BAIAP2L2: variants seen among roughly 807,000 people sequenced by gnomAD.
BAIAP2L2 encodes BAR/IMD domain-containing adapter protein 2-like 2.
BAIAP2L2 carries 65 observed loss-of-function variants against 60.4 expected under a neutral mutation model. The ratio of observed to expected loss-of-function variants is 1.08; its 90% CI spans 0.88 to 1.32. BAIAP2L2 has a LOEUF of 1.32. BAIAP2L2 is among the 40% of genes most tolerant of loss of function. The probability of loss-of-function intolerance (pLI) is 0.00; values close to 1 mark genes in which losing one functional copy is unlikely to be tolerated. For synonymous variants in BAIAP2L2, 344 were observed against 301.7 expected, an observed-to-expected ratio of 1.14 and a Z score of -1.45; for missense variants, 836 against 741.2, an observed-to-expected ratio of 1.13 and a Z score of -1.48.
At chr22:38,087,904 A>G (rs1429915221) in intron 10 of BAIAP2L2, among the ~76,000 whole-genome samples, 4 of 51,720 alleles carry the variant, frequency 7.7e-5, no homozygotes, top group Admixed American at 3.6e-4. Flanking sequence ...CCCCCCCGCC[A>G]TTTAAGGCCA....
At chr22:38,099,299 T>A (rs1260413352) in intron 4 of BAIAP2L2, among the ~76,000 whole-genome samples, 1 of 152,100 alleles carries the variant, frequency 6.6e-6, no homozygotes, top group Non-Finnish European at 1.5e-5. Context: ...TTTGGGAGGC[T>A]GAGGTGGGTG....
chr22:38,088,985 C>A, intron 9 of BAIAP2L2, 21 bp from the exon 10 acceptor site: 2 of 1,484,750 alleles, frequency 1.3e-6, no homozygotes, highest in South Asian at 1.3e-5. Context: ...GAGAGCGCGG[C>A]GGCACGTGGG....
chr22:38,089,573 C>G lies in BAIAP2L2; in HGVS notation c.714G>C (p.Ala238=). The change falls in exon 8 of 14, where the codon GCG becomes GCC. Residue 238 remains alanine, a synonymous_variant. Transcript: ENST00000381669. ...RAHSPGLLGP[A]LGPPYPSGRL... is the part of the protein sequence containing the mutation. ...GGCCCGAGGGGTAGGGCGGCCCCAG[C>G]GCGGGGCCCAGCAGGCCGGGGGAGT... The G allele has an allele frequency of 1.6e-6, 2 of 1,231,022 alleles. No individual in the cohort carries two copies. Among genetic ancestry groups the G allele is most frequent in the East Asian group, 6.4e-5 (2 of 31,478 alleles). 76.3% of individuals were successfully genotyped at this position (1,231,022 alleles called of 1,614,324 possible). A position where few individuals can be genotyped will look rare whatever the true frequency, so the allele number is the denominator to read the frequency against.
intron 1 of BAIAP2L2, 79 bp from the exon 2 acceptor site, chr22:38,109,287 A>C (rs1258964061): frequency 2.5e-6 from 3 of 1,204,424 alleles, no homozygotes; most frequent in Admixed American, 1.9e-5. Flanking sequence ...TCAAGTCACC[A>C]GGCGTCAGGG....
chr22:38,087,010 A>AC (rs2086100501), intron 11 of BAIAP2L2, 114 bp downstream of exon 11: 19 of 1,281,216 alleles, frequency 1.5e-5, no homozygotes, highest in Non-Finnish European at 1.4e-5. Flanking sequence ...AAAAAAAAAC[A>AC]AAACAAAACA....
At chr22:38,089,283 G>GGGCCCC in intron 8 of BAIAP2L2, 52 bp from the exon 9 acceptor site, 2 of 145,678 alleles carry the variant, frequency 1.4e-5, no homozygotes, top group Non-Finnish European at 1.3e-5. Flanking sequence ...GGGGGGCGGG[G>GGGCCCC]CCGCGCCCTA....
Position 38,085,384 on chromosome 22 carries a change from GGAGA to G in BAIAP2L2, c.1515-13_1515-10del. On this transcript the variant is annotated splice_polypyrimidine_tract_variant and intron_variant, in intron 13 of 13. Coordinates refer to ENST00000381669, the MANE Select transcript of BAIAP2L2 (RefSeq NM_025045.6). ...CAAAAGGATTTGTGCCCCTGTAGGA[GGAGA>G]GAGAGAATGGGGTGAGAAGGGCAGA... The G allele has an allele frequency of 6.2e-7, 1 of 1,612,942 alleles. No homozygotes were observed. The highest frequency in any genetic ancestry group is 8.5e-7 in the Non-Finnish European group (1 of 1,179,158).
In BAIAP2L2 at chr22:38,085,744, G is replaced by T. The variant is rs1379630348; in HGVS notation, c.1468-12C>A. 1 of 1,589,554 alleles carries T rather than the reference G, an allele frequency of 6.3e-7. No homozygotes were observed. The highest frequency in any genetic ancestry group is 1.2e-5 in the South Asian group (1 of 86,168). ...GAGGACATCAGTTTCTGCAGTGGGGGTGGGGAAGGGCTGGTTTGGTGGGGA... is the reference window on the plus strand; with the variant it reads ...GAGGACATCAGTTTCTGCAGTGGGGTTGGGGAAGGGCTGGTTTGGTGGGGA... On this transcript the variant is annotated splice_polypyrimidine_tract_variant and intron_variant, in intron 12 of 13. Transcript: ENST00000381669.
chr22:38,099,401 G>A (rs1274711381), intron 4 of BAIAP2L2, among the ~76,000 whole-genome samples: 1 of 152,176 alleles, frequency 6.6e-6, no homozygotes. Flanking sequence ...AGGCATGGTG[G>A]TGCGTGCCTG....
At chr22:38,091,695 AAAT>A (rs1229764583) in intron 7 of BAIAP2L2, 2 of 152,198 alleles carry the variant, frequency 1.3e-5, no homozygotes, top group African/African-American at 2.4e-5. Context: ...TACTAAATAA[AAAT>A]AATGTTTTTG....
intron 4 of BAIAP2L2, among the ~76,000 whole-genome samples, chr22:38,104,698 G>A (rs768009674): frequency 3.3e-5 from 5 of 152,096 alleles, no homozygotes; most frequent in African/African-American, 9.7e-5. Flanking sequence ...GGGTCTCACC[G>A]TGTTAGCCAG....
At chr22:38,087,095 C>G (rs764314207) in intron 11 of BAIAP2L2, 29 bp downstream of exon 11, 6 of 1,515,554 alleles carry the variant, frequency 4.0e-6, no homozygotes, top group Non-Finnish European at 5.3e-6. Flanking sequence ...GCGTCCTCAC[C>G]CCCGCCCCAC....
chr22:38,108,151 C>T (rs1332181648), intron 3 of BAIAP2L2, 104 bp downstream of exon 3: 12 of 1,162,112 alleles, frequency 1.0e-5, no homozygotes, highest in East Asian at 7.5e-5. Flanking sequence ...TGGCTCTGGG[C>T]CCTGGGCTGA....
intron 7 of BAIAP2L2, among the ~76,000 whole-genome samples, chr22:38,094,658 C>T (rs953397650): frequency 6.6e-6 from 1 of 152,318 alleles, no homozygotes; most frequent in Admixed American, 6.5e-5. Context: ...GAAGTTGTTT[C>T]TCCCTGGCAG....
intron 4 of BAIAP2L2, among the ~76,000 whole-genome samples, chr22:38,104,923 G>A (rs1302117124): frequency 6.6e-6 from 1 of 152,126 alleles, no homozygotes; most frequent in African/African-American, 2.4e-5. Flanking sequence ...GAGGGAGGGA[G>A]AGGCTGTGGT....
At position 38,089,626 on chromosome 22, in the gene BAIAP2L2, C is replaced by CA; in HGVS notation, c.660dup (p.Glu221Ter). 8.1e-7 allele frequency: 1 copy of CA among 1,233,020 alleles called. No individual in the cohort carries two copies. The allele number at this position is 1,233,020 out of a possible 1,614,324, so 76.4% of individuals were successfully genotyped here. On this transcript the variant is annotated frameshift_variant, in exon 8 of 14. Coordinates refer to ENST00000381669, the MANE Select transcript of BAIAP2L2 (RefSeq NM_025045.6). LOFTEE classifies it high-confidence loss of function. ...GCGCGCGACGGGCTGCGGCTGGCCT[C>CA]AGACTGCTCCTTCCACAGCAGCACG...
At chr22:38,102,963 G>GT (rs1569228657) in intron 4 of BAIAP2L2, among the ~76,000 whole-genome samples, 2 of 151,160 alleles carry the variant, frequency 1.3e-5, no homozygotes, top group Non-Finnish European at 2.9e-5. Context: ...GGAGAATGGC[G>GT]TGAACCTGGG....
intron 4 of BAIAP2L2, among the ~76,000 whole-genome samples, chr22:38,099,508 T>C (rs2086520912): frequency 6.6e-6 from 1 of 150,828 alleles, no homozygotes; most frequent in Admixed American, 6.6e-5. Context: ...CACTCCAGCC[T>C]GGGTGACAGA....
rs141484524 is a variant in BAIAP2L2, at chr22:38,101,497, TG to T, written c.277-3016del. Among the ~76,000 whole-genome samples the T allele has an allele frequency of 7.6e-3, 986 of 129,916 alleles. 7 individuals carry two copies. The highest frequency in any genetic ancestry group is 0.015 in the Middle Eastern group (3 of 198). 85.2% of individuals were successfully genotyped at this position (129,916 alleles called of 152,430 possible). A position where few individuals can be genotyped will look rare whatever the true frequency, so the allele number is the denominator to read the frequency against. ...AGGAAGTCTAGGCTGCAATGAGCTG[TG>T]ACTGCACCACTGTACTCCAGCCTGG... On this transcript the variant is annotated intron_variant, in intron 4 of 13. Coordinates refer to ENST00000381669, the MANE Select transcript of BAIAP2L2 (RefSeq NM_025045.6).
Sources: gnomAD v4.1 joint callset for allele counts (sites outside exome capture counted in the v4.1 genomes callset) on GRCh38, gnomAD v4.1.1 for gene constraint, MANE v1.5 for transcripts, NCBI Gene and HGNC (gene_info 2026-07-23, HGNC 2026-07-21) for gene names.